Variants in XRCC5 observed in about 807,000 individuals in gnomAD.
XRCC5 encodes DNA repair protein Ku80.
A neutral mutation model predicts 95.7 loss-of-function variants in XRCC5; 12 were observed. That is an observed-to-expected ratio of 0.13 (90% CI 0.08 to 0.20). XRCC5 has a LOEUF of 0.20. Among genes scored for constraint, XRCC5 ranks in the 10% least tolerant of loss-of-function variants. The probability of loss-of-function intolerance (pLI) is 1.00; values close to 1 mark genes in which losing one functional copy is unlikely to be tolerated. For synonymous variants in XRCC5, 281 were observed against 290.3 expected (o/e 0.97, Z 0.33); for missense variants, 595 against 873.9 (o/e 0.68, Z 4.02).
chr2:216,164,044 C>T (rs1410704663), intron 16 of XRCC5, among the ~76,000 whole-genome samples: 1 of 152,152 alleles, frequency 6.6e-6, no homozygotes, highest in East Asian at 1.9e-4. Context: ...CAGAATTTCT[C>T]TCTTTAATGT....
intron 12 of XRCC5, 63 bp from the exon 13 acceptor site, chr2:216,141,123 A>G: frequency 6.3e-7 from 1 of 1,593,830 alleles, no homozygotes; most frequent in Admixed American, 1.7e-5. Flanking sequence ...TCTACGTAGA[A>G]AGCATTTGTT....
chr2:216,192,560 ACTT>A lies in XRCC5; in HGVS notation c.1945-78_1945-76del, dbSNP rs988167302. 3 of 938,772 alleles carry A rather than the reference ACTT, an allele frequency of 3.2e-6. No homozygotes were observed. The African/African-American group carries it at 5.2e-5, about 16-fold the overall frequency. 58.2% of individuals were successfully genotyped at this position (938,772 alleles called of 1,614,324 possible). On this transcript the variant is annotated intron_variant, in intron 17 of 20. Coordinates refer to ENST00000392132, the MANE Select transcript of XRCC5 (RefSeq NM_021141.4). The stretch of plus-strand genomic sequence containing the variant: ...TAATAAATAAGGTGATTCAGACCAA[ACTT>A]TGTTTGGTCTGGGGTGAATTTGTTT...
At chr2:216,158,635 G>A (rs1189332230) in intron 14 of XRCC5, among the ~76,000 whole-genome samples, 3 of 152,078 alleles carry the variant, frequency 2.0e-5, no homozygotes. Flanking sequence ...AGAGTTCTGG[G>A]TGACTTACCC....
At chr2:216,130,787 G>GTGTTGT in intron 8 of XRCC5, 88 bp from the exon 9 acceptor site, 1 of 767,112 alleles carries the variant, frequency 1.3e-6, no homozygotes, top group Non-Finnish European at 2.1e-6. Context: ...GCGTGTGCGT[G>GTGTTGT]TGTTGTTAAT....
intron 14 of XRCC5, among the ~76,000 whole-genome samples, chr2:216,153,133 T>G (rs1688776303): frequency 6.6e-6 from 1 of 152,216 alleles, no homozygotes; most frequent in Non-Finnish European, 1.5e-5. Context: ...TCTCACCAGC[T>G]TTTGCCCCCA....
At position 216,160,165 on chromosome 2, in the gene XRCC5, A is replaced by C. The variant is rs375043295; in HGVS notation, c.1764+4A>C. ...GGCTGAAGGCAGTGTCACCTCTGTA[A>C]GCTAAGCTTTTCAAGTGCGCTTCCC... is the stretch of plus-strand genomic sequence containing the variant. On this transcript the variant is annotated splice_donor_region_variant and intron_variant, in intron 15 of 20. Coordinates refer to ENST00000392132, the MANE Select transcript of XRCC5 (RefSeq NM_021141.4). 1.5e-5 allele frequency: 24 copies of C among 1,593,636 alleles called. No homozygotes were observed. Among genetic ancestry groups the C allele is most frequent in the South Asian group, 1.1e-4 (10 of 88,404 alleles).
At chr2:216,136,882 G>A (rs1457562209) in intron 10 of XRCC5, among the ~76,000 whole-genome samples, 1 of 152,206 alleles carries the variant, frequency 6.6e-6, no homozygotes, top group African/African-American at 2.4e-5. Context: ...GAAGCAGTAA[G>A]ACGGATTTAG....
At chr2:216,190,114 C>T in intron 16 of XRCC5, 111 bp from the exon 17 acceptor site, 1 of 777,304 alleles carries the variant, frequency 1.3e-6, no homozygotes, top group Non-Finnish European at 1.9e-6. Flanking sequence ...ATTGTGCTTG[C>T]TGACCATGAG....
chr2:216,127,278 T>C (rs1696914605), intron 7 of XRCC5, among the ~76,000 whole-genome samples: 1 of 152,142 alleles, frequency 6.6e-6, no homozygotes, highest in Non-Finnish European at 1.5e-5. Flanking sequence ...TTAGACAGTC[T>C]GAGGTTTTGT....
intron 19 of XRCC5, chr2:216,203,992 C>T (rs1689893705): frequency 8.0e-6 from 2 of 249,246 alleles, no homozygotes; most frequent in South Asian, 7.2e-5. Flanking sequence ...AGCTTATTTC[C>T]TATGGAAGCA....
At chr2:216,141,579 T>C (rs1697173268) in intron 13 of XRCC5, among the ~76,000 whole-genome samples, 1 of 111,402 alleles carries the variant, frequency 9.0e-6, no homozygotes. Context: ...TGGAAGAAGC[T>C]TACTTTAACA....
intron 18 of XRCC5, 102 bp from the exon 19 acceptor site, chr2:216,194,817 A>G: frequency 9.0e-7 from 1 of 1,115,988 alleles, no homozygotes; most frequent in Non-Finnish European, 1.3e-6. Flanking sequence ...TTTAAAAAAA[A>G]GAAATCTTCA....
chr2:216,186,558 C>T (rs1689496079), intron 16 of XRCC5, among the ~76,000 whole-genome samples: 1 of 152,162 alleles, frequency 6.6e-6, no homozygotes, highest in Non-Finnish European at 1.5e-5. Context: ...TTTTCTAAAA[C>T]CTCAAAATCC....
At chr2:216,112,964 GTCTTT>G (rs1334811203) in intron 1 of XRCC5, 47 bp from the exon 2 acceptor site, 1 of 1,410,574 alleles carries the variant, frequency 7.1e-7, no homozygotes. Flanking sequence ...CATTCTTACA[GTCTTT>G]TCTTACGACT....
At position 216,206,113 on chromosome 2, in the gene XRCC5, A is replaced by T. The variant is rs944671604; in HGVS notation, c.*911A>T. The T allele has an allele frequency of 1.3e-5, 2 of 152,208 alleles. No homozygotes were observed. The highest frequency in any genetic ancestry group is 2.9e-5 in the Non-Finnish European group (2 of 68,028). 9.4% of individuals were successfully genotyped at this position (152,208 alleles called of 1,614,324 possible). On this transcript the variant is annotated 3_prime_UTR_variant, in exon 21 of 21. Transcript: ENST00000392132. The stretch of plus-strand genomic sequence containing the variant: ...TGTCTCCTTTACTAAATAAGAAAAT[A>T]ACAAAGCCCTTATTCTCTTTTTTTC...
intron 10 of XRCC5, 140 bp downstream of exon 10, chr2:216,132,527 G>A: frequency 1.2e-6 from 1 of 815,264 alleles, no homozygotes; most frequent in African/African-American, 1.7e-5. Context: ...ATGTTTAACT[G>A]AAAATGGAGA....
chr2:216,180,736 C>T (rs115541932), intron 16 of XRCC5, among the ~76,000 whole-genome samples: 4 of 151,590 alleles, frequency 2.6e-5, no homozygotes, highest in East Asian at 1.9e-4. Flanking sequence ...TAAGTGATGG[C>T]GTGTCCTGAT....
chr2:216,175,079 C>G (rs566273717), intron 16 of XRCC5: 1 of 311,018 alleles, frequency 3.2e-6, no homozygotes, highest in South Asian at 3.4e-5. Flanking sequence ...TTACCACTGC[C>G]AAAATTTCCT....
intron 14 of XRCC5, among the ~76,000 whole-genome samples, chr2:216,153,857 C>T (rs1198682339): frequency 6.6e-6 from 1 of 152,206 alleles, no homozygotes; most frequent in Admixed American, 6.5e-5. Context: ...GGATTTCTAT[C>T]CCATCAACTA....
Sources: allele counts gnomAD v4.1 joint callset (sites outside exome capture counted in the v4.1 genomes callset), GRCh38; gene constraint gnomAD v4.1.1; transcripts MANE v1.5; gene names NCBI Gene and HGNC (gene_info 2026-07-23, HGNC 2026-07-21).